The following HYDIN variants were observed in gnomAD, a reference collection of about 807,000 sequenced individuals.
HYDIN encodes the protein axonemal central pair apparatus protein HYDIN.
In HYDIN, 132 loss-of-function variants were observed where a neutral mutation model predicts 403.9. That is an observed-to-expected ratio of 0.33 (90% confidence interval 0.28 to 0.38). The LOEUF is 0.38. Among genes scored for constraint, HYDIN ranks in the 10% least tolerant of loss-of-function variants. The probability of loss-of-function intolerance (pLI) is 1.00; values close to 1 mark genes in which losing one functional copy is unlikely to be tolerated. For synonymous variants in HYDIN, 1,202 were observed against 1,891.7 expected (o/e 0.64, Z 9.46); for missense variants, 2,827 against 5,009.5 (o/e 0.56, Z 13.15).
chr16:71,146,370 C>T (rs3094852), intron 7 of HYDIN, among the ~76,000 whole-genome samples: 101,914 of 102,760 alleles, frequency 0.99, 50,562 homozygotes, highest in Middle Eastern at 1. Flanking sequence ...AACAAAAATA[C>T]GGAGATCCAG....
In HYDIN at chr16:70,962,103, A is replaced by T; in HGVS notation, c.5824T>A (p.Ser1942Thr). The stretch of plus-strand genomic sequence containing the variant: ...AGCGATGTCCTCTTTGTGCTATTGG[A>T]GGTTCCCTGATCTGATGAGGTTATA... ...EDITSSDQGTSNSTKRTSLSR... is the reference protein window; with the variant it reads ...EDITSSDQGTTNSTKRTSLSR... Residue 1942 changes from serine to threonine, a missense_variant, in exon 38 of 86, where the codon TCC (serine) becomes ACC (threonine). By Grantham distance (58) the Ser-to-Thr change is moderately conservative (BLOSUM62 1). Coordinates refer to ENST00000393567, the MANE Select transcript of HYDIN (RefSeq NM_001270974.2). 1 of 963,392 alleles carries T rather than the reference A, an allele frequency of 1.0e-6. No individual in the cohort carries two copies. 59.7% of individuals were successfully genotyped at this position (963,392 alleles called of 1,614,324 possible).
chr16:71,175,532 G>T, intron 5 of HYDIN, 75 bp downstream of exon 5: 3 of 1,358,114 alleles, frequency 2.2e-6, no homozygotes, highest in Non-Finnish European at 3.1e-6. Context: ...CAGCACTACC[G>T]CCTCTGTAAA....
intron 35 of HYDIN, among the ~76,000 whole-genome samples, chr16:70,971,687 G>T (rs573702942): frequency 3.3e-4 from 50 of 151,642 alleles, no homozygotes; most frequent in Middle Eastern, 3.4e-3. Flanking sequence ...CATACACACA[G>T]AAATATCTAT....
chr16:70,874,718 C>T (rs1411327372), intron 63 of HYDIN, 99 bp downstream of exon 63: 34 of 1,433,486 alleles, frequency 2.4e-5, no homozygotes, highest in East Asian at 2.0e-4. Context: ...CCAGTGGTGA[C>T]GAGACTGGGC....
intron 41 of HYDIN, among the ~76,000 whole-genome samples, chr16:70,947,514 G>C (rs1337329696): frequency 6.6e-6 from 1 of 151,162 alleles, no homozygotes; most frequent in South Asian, 2.1e-4. Context: ...TTTTGGTTGT[G>C]TCTCTGCCCG....
At chr16:71,002,700 TAG>T (rs2079760076) in intron 23 of HYDIN, among the ~76,000 whole-genome samples, 1 of 147,796 alleles carries the variant, frequency 6.8e-6, no homozygotes, top group South Asian at 2.1e-4. Flanking sequence ...TTTTTTGAGA[TAG>T]AGTCTCACTC....
intron 83 of HYDIN, among the ~76,000 whole-genome samples, chr16:70,821,042 A>G (rs1452070052): frequency 3.3e-5 from 5 of 150,622 alleles, no homozygotes; most frequent in Non-Finnish European, 5.9e-5. Context: ...CCACTTGACA[A>G]TGGATGCTTC....
At chr16:70,811,843 G>A (rs1355212940) in intron 84 of HYDIN, among the ~76,000 whole-genome samples, 2 of 143,352 alleles carry the variant, frequency 1.4e-5, no homozygotes, top group South Asian at 4.6e-4. Flanking sequence ...GGCCACAAGA[G>A]CAAAACTCCA....
chr16:71,063,371 T>A (rs944808425), intron 16 of HYDIN, among the ~76,000 whole-genome samples: 1 of 152,240 alleles, frequency 6.6e-6, no homozygotes, highest in African/African-American at 2.4e-5. Context: ...GGTTTTGGTA[T>A]CTTGTTTATT....
Position 70,862,235 on chromosome 16 carries a change from G to A in HYDIN, c.11590C>T (p.Leu3864Phe). 1 of 1,612,740 alleles carries A rather than the reference G, an allele frequency of 6.2e-7. No homozygotes were observed. Among genetic ancestry groups the A allele is most frequent in the Non-Finnish European group, 8.5e-7 (1 of 1,179,850 alleles). Residue 3864 changes from leucine (L) to phenylalanine (F), a missense_variant, in exon 69 of 86, where the codon CTT becomes TTT. Transcript: ENST00000393567. ...DHQGSAQKDQ[L>F]SQGTMHTGST... ...CCTGTATGCATCGTGCCCTGACTAA[G>A]CTGATCTTTTTGAGCTGAACCTGGG...
chr16:71,226,975 C>T (rs2041060106), intron 1 of HYDIN, among the ~76,000 whole-genome samples: 1 of 152,162 alleles, frequency 6.6e-6, no homozygotes, highest in Non-Finnish European at 1.5e-5. Flanking sequence ...TGGCAGTACT[C>T]TTTGTTCCAG....
At chr16:71,173,843 A>G (rs1475539562) in intron 5 of HYDIN, among the ~76,000 whole-genome samples, 1 of 152,208 alleles carries the variant, frequency 6.6e-6, no homozygotes, top group Non-Finnish European at 1.5e-5. Context: ...GTACAGATAC[A>G]ACGATACTTA....
intron 84 of HYDIN, among the ~76,000 whole-genome samples, chr16:70,812,739 G>A (rs1798505): frequency 3.3e-5 from 5 of 151,666 alleles, no homozygotes; most frequent in Admixed American, 1.3e-4. Flanking sequence ...AGATTTGCTC[G>A]TGGATTGGAA....
chr16:70,898,108 G>T (rs2076259691), intron 53 of HYDIN, among the ~76,000 whole-genome samples: 1 of 152,200 alleles, frequency 6.6e-6, no homozygotes, highest in Admixed American at 6.5e-5. Context: ...GGTGGAAGTT[G>T]CAGTGAGCTG....
rs757133108 is a variant in HYDIN at position 71,184,878 on chromosome 16, GT to G, written c.247del (p.Thr83GlnfsTer38). 1.2e-6 allele frequency: 2 copies of G among 1,605,012 alleles called. No homozygotes were observed. The highest frequency in any genetic ancestry group is 2.2e-5 in the South Asian group (2 of 89,706). On this transcript the variant is annotated frameshift_variant, in exon 3 of 86. Coordinates refer to ENST00000393567, the MANE Select transcript of HYDIN (RefSeq NM_001270974.2). LOFTEE classifies it high-confidence loss of function. ...GAGAGCAGCTACCTTCTGATGTGTTGTTTCCCCCATATCTAAGAGTTCGATG... is the reference window on the plus strand; with the variant it reads ...GAGAGCAGCTACCTTCTGATGTGTTGTTCCCCCATATCTAAGAGTTCGATG... ...QIIELLDMGETTHQKFSGIDL... is the reference protein window; with the variant it reads ...QIIELLDMGEXTHQKFSGIDL...
At chr16:70,996,369 CAG>C (rs1376984498) in intron 23 of HYDIN, among the ~76,000 whole-genome samples, 28 of 152,168 alleles carry the variant, frequency 1.8e-4, no homozygotes, top group African/African-American at 6.8e-4. Context: ...GGATCAGAGT[CAG>C]AGCCACAGGA....
intron 36 of HYDIN, among the ~76,000 whole-genome samples, chr16:70,966,053 C>T (rs1175666370): frequency 6.6e-6 from 1 of 152,176 alleles, no homozygotes; most frequent in Non-Finnish European, 1.5e-5. Context: ...ATACAGGGCA[C>T]AAAGGCCTGG....
chr16:71,184,985 T>C lies in HYDIN; in HGVS notation c.141A>G (p.Thr47=). 1.9e-6 allele frequency: 3 copies of C among 1,601,290 alleles called. No homozygotes were observed. The highest frequency in any genetic ancestry group is 2.6e-6 in the Non-Finnish European group (3 of 1,172,906). The change falls in exon 3 of 86, where the codon ACA becomes ACG. Residue 47 remains threonine, a synonymous_variant. Transcript: ENST00000393567. The part of the protein sequence containing the change: ...VTEEEVNRML[T]PSEFLKEMSL... ...ACATTTCCTTCAGGAACTCTGAGGGTGTAAGCTAGAATGTAAAACAATAAG... is the reference window on the plus strand; with the variant it reads ...ACATTTCCTTCAGGAACTCTGAGGGCGTAAGCTAGAATGTAAAACAATAAG...
chr16:71,221,864 T>C (rs2089217385), intron 1 of HYDIN, among the ~76,000 whole-genome samples: 1 of 152,220 alleles, frequency 6.6e-6, no homozygotes, highest in African/African-American at 2.4e-5. Context: ...TTGTGAACTA[T>C]AACCTAAATG....
Sources: allele counts gnomAD v4.1 joint callset (sites outside exome capture counted in the v4.1 genomes callset), GRCh38; gene constraint gnomAD v4.1.1; transcripts MANE v1.5; gene names NCBI Gene and HGNC (gene_info 2026-07-23, HGNC 2026-07-21).